LYN: variants seen among roughly 807,000 people sequenced by gnomAD.
The protein encoded by LYN is LYN proto-oncogene, Src family tyrosine kinase.
Under a neutral mutation model 65.0 loss-of-function variants are expected in LYN, and 12 were observed. The ratio of observed to expected loss-of-function variants is 0.18; its 90% CI spans 0.12 to 0.30. The LOEUF is 0.30. LYN is among the 10% of genes least tolerant of loss of function. The pLI is 1.00. For missense variants in LYN, 380 were observed against 623.2 expected (o/e 0.61, Z 4.16); for synonymous variants, 222 against 221.2 (o/e 1.00, Z -0.03).
Position 55,879,998 on chromosome 8 carries a change from G to A in LYN, c.-111G>A, listed in dbSNP as rs1273963302. 8 of 285,706 alleles carry A rather than the reference G, an allele frequency of 2.8e-5. No homozygotes were observed. The highest frequency in any genetic ancestry group is 5.1e-5 in the Non-Finnish European group (7 of 137,882). 17.7% of individuals were successfully genotyped at this position (285,706 alleles called of 1,614,324 possible). A position where few individuals can be genotyped will look rare whatever the true frequency, so the allele number is the denominator to read the frequency against. The stretch of plus-strand genomic sequence containing the variant: ...GCCGCGCGTCCAGCGTTCCCGGCCA[G>A]CAGCCTCCCCATACGCAGGTCCTGC... On this transcript the variant is annotated 5_prime_UTR_variant, in exon 1 of 13. Transcript: ENST00000519728.
At chr8:55,924,065 CT>C (rs75288345) in intron 1 of LYN, among the ~76,000 whole-genome samples, 8,327 of 134,684 alleles carry the variant, frequency 0.062, 242 homozygotes, top group African/African-American at 0.084. Flanking sequence ...CTTTTTCTTT[CT>C]TTTTTTTTTT....
At chr8:55,885,544 G>C (rs1007006593) in intron 1 of LYN, among the ~76,000 whole-genome samples, 3 of 152,150 alleles carry the variant, frequency 2.0e-5, no homozygotes, top group African/African-American at 7.2e-5. Flanking sequence ...CTACCCTTGG[G>C]CGCTGGTACA....
At chr8:55,962,799 C>T (rs796107162) in intron 8 of LYN, among the ~76,000 whole-genome samples, 8 of 152,288 alleles carry the variant, frequency 5.3e-5, no homozygotes, top group African/African-American at 1.4e-4. Flanking sequence ...ATTTGCTTTA[C>T]GGTTCTTCAG....
At chr8:55,959,540 C>G (rs962771236) in intron 8 of LYN, among the ~76,000 whole-genome samples, 4 of 152,148 alleles carry the variant, frequency 2.6e-5, no homozygotes, top group Non-Finnish European at 4.4e-5. Flanking sequence ...AAAGGCTATA[C>G]AGCAGAGGAA....
intron 9 of LYN, among the ~76,000 whole-genome samples, chr8:55,968,352 T>A (rs1807518640): frequency 6.6e-6 from 1 of 152,122 alleles, no homozygotes; most frequent in East Asian, 1.9e-4. Flanking sequence ...GCCTCCCAGG[T>A]TCCAGTGATT....
intron 9 of LYN, among the ~76,000 whole-genome samples, chr8:55,968,397 A>G (rs2130527579): frequency 6.6e-6 from 1 of 152,232 alleles, no homozygotes; most frequent in African/African-American, 2.4e-5. Context: ...CTGGGATTAC[A>G]GGTGCCTGCC....
At chr8:55,923,906 T>C (rs1415288888) in intron 1 of LYN, among the ~76,000 whole-genome samples, 1 of 151,984 alleles carries the variant, frequency 6.6e-6, no homozygotes, top group Non-Finnish European at 1.5e-5. Context: ...AAAATACACA[T>C]ACATTGAAAG....
intron 1 of LYN, among the ~76,000 whole-genome samples, chr8:55,901,412 A>G (rs1373227399): frequency 1.3e-5 from 2 of 152,196 alleles, no homozygotes; most frequent in Non-Finnish European, 2.9e-5. Flanking sequence ...TATGAAAGGA[A>G]CTGTTTAATT....
chr8:55,937,857 G>A (rs1209005349), intron 1 of LYN, among the ~76,000 whole-genome samples: 4 of 152,010 alleles, frequency 2.6e-5, no homozygotes, highest in Admixed American at 2.0e-4. Flanking sequence ...CACCACACCC[G>A]GCTAATTTTT....
At chr8:55,979,150 A>G (rs1358976899) in intron 10 of LYN, among the ~76,000 whole-genome samples, 1 of 147,014 alleles carries the variant, frequency 6.8e-6, no homozygotes, top group Non-Finnish European at 1.5e-5. Context: ...GGCTCAAGCA[A>G]TTCTGCCTCA....
At chr8:55,976,455 C>G (rs963782780) in intron 10 of LYN, among the ~76,000 whole-genome samples, 1 of 152,198 alleles carries the variant, frequency 6.6e-6, no homozygotes, top group Non-Finnish European at 1.5e-5. Flanking sequence ...TCTCCCTGAG[C>G]CCCCTCACCC....
chr8:55,895,064 T>G (rs1318250413), intron 1 of LYN, among the ~76,000 whole-genome samples: 2 of 152,108 alleles, frequency 1.3e-5, no homozygotes, highest in African/African-American at 4.8e-5. Context: ...TCTTCCCACC[T>G]GCTTCAGCCT....
intron 1 of LYN, among the ~76,000 whole-genome samples, chr8:55,931,869 CT>C (rs1427134652): frequency 6.6e-6 from 1 of 152,094 alleles, no homozygotes; most frequent in Non-Finnish European, 1.5e-5. Context: ...ATTTAAAAAA[CT>C]TTATGCATTT....
intron 10 of LYN, among the ~76,000 whole-genome samples, chr8:55,970,296 A>G (rs895669603): frequency 3.3e-5 from 5 of 152,078 alleles, no homozygotes; most frequent in African/African-American, 1.2e-4. Context: ...ATTCATTTGT[A>G]CTATTTTTAG....
chr8:55,934,914 A>G (rs1806382628), intron 1 of LYN, among the ~76,000 whole-genome samples: 1 of 152,082 alleles, frequency 6.6e-6, no homozygotes, highest in African/African-American at 2.4e-5. Flanking sequence ...CTCCTAAATC[A>G]TATCCTCCTC....
At position 56,011,860 on chromosome 8, in the gene LYN, A is replaced by G. The variant is rs3735904; in HGVS notation, c.*1750A>G. ...ATTCAGTGGTAAGGTTTTTGTGTAC[A>G]CCCCCCTGCTTGCATTTTATTTCAG... On this transcript the variant is annotated 3_prime_UTR_variant, in exon 13 of 13. Coordinates refer to ENST00000519728, the MANE Select transcript of LYN (RefSeq NM_002350.4). 457 of 184,064 alleles carry G rather than the reference A, an allele frequency of 2.5e-3. 9 individuals carry two copies. In the East Asian group the frequency reaches 0.039, roughly 16 times the overall value. 11.4% of individuals were successfully genotyped at this position (184,064 alleles called of 1,614,324 possible).
intron 1 of LYN, among the ~76,000 whole-genome samples, chr8:55,930,106 C>T (rs1014612297): frequency 2.0e-5 from 3 of 152,136 alleles, no homozygotes; most frequent in African/African-American, 4.8e-5. Context: ...GAAACCACCA[C>T]CCCCCACCTG....
chr8:55,910,032 A>T, intron 1 of LYN, among the ~76,000 whole-genome samples: 1 of 146,578 alleles, frequency 6.8e-6, no homozygotes. Flanking sequence ...GTTTCTTGTA[A>T]ATTCTGCATA....
At chr8:55,952,428 T>C (rs1399660539) in intron 7 of LYN, among the ~76,000 whole-genome samples, 1 of 150,570 alleles carries the variant, frequency 6.6e-6, no homozygotes, top group East Asian at 1.9e-4. Flanking sequence ...GGCATAGTGG[T>C]GCGTGCCTGT....
Sources: allele counts gnomAD v4.1 joint callset (sites outside exome capture counted in the v4.1 genomes callset), GRCh38; gene constraint gnomAD v4.1.1; transcripts MANE v1.5; gene names NCBI Gene and HGNC (gene_info 2026-07-23, HGNC 2026-07-21).